The following LUZP1 variants were observed in gnomAD, a reference collection of about 807,000 sequenced individuals.
LUZP1 encodes the protein filamin mechanobinding actin cross-linking protein.
In LUZP1, 25 loss-of-function variants were observed where a neutral mutation model predicts 71.3. The ratio of observed to expected loss-of-function variants is 0.35; its 90% CI spans 0.26 to 0.49. The LOEUF (loss-of-function observed/expected upper bound fraction) is 0.49. LUZP1 is among the 20% of genes least tolerant of loss of function. The pLI is 0.99. For missense variants in LUZP1, 1,142 were observed against 1,300.8 expected (o/e 0.88, Z 1.88); for synonymous variants, 481 against 506.4 (o/e 0.95, Z 0.67).
At chr1:23,115,572 G>A (rs1039247094) in intron 2 of LUZP1, among the ~76,000 whole-genome samples, 8 of 151,954 alleles carry the variant, frequency 5.3e-5, no homozygotes, top group East Asian at 1.9e-4. Flanking sequence ...ACAAAGTCTC[G>A]CTCTGTTGCC....
intron 3 of LUZP1, among the ~76,000 whole-genome samples, chr1:23,104,919 G>A (rs1463257650): frequency 6.6e-6 from 1 of 152,140 alleles, no homozygotes; most frequent in Non-Finnish European, 1.5e-5. Context: ...GCTAAGAGGG[G>A]CTATGCCCTA....
At chr1:23,133,810 G>A (rs1644233224) in intron 2 of LUZP1, 1 of 151,088 alleles carries the variant, frequency 6.6e-6, no homozygotes, top group Non-Finnish European at 1.5e-5. Flanking sequence ...TAAAGAGATA[G>A]ACTGACATTA....
intron 2 of LUZP1, among the ~76,000 whole-genome samples, chr1:23,117,529 G>GGGGA (rs371517574): frequency 1.8e-4 from 15 of 85,602 alleles, no homozygotes; most frequent in African/African-American, 3.5e-4. Context: ...CGGGGGGGGG[G>GGGGA]AACACCTTGA....
intron 2 of LUZP1, among the ~76,000 whole-genome samples, chr1:23,115,634 G>A (rs1415052305): frequency 2.0e-5 from 3 of 152,056 alleles, no homozygotes; most frequent in Non-Finnish European, 4.4e-5. Flanking sequence ...TCCGCCTCCC[G>A]GGTTCAAGCG....
At chr1:23,135,750 T>A (rs959012956) in intron 2 of LUZP1, among the ~76,000 whole-genome samples, 6 of 152,212 alleles carry the variant, frequency 3.9e-5, no homozygotes, top group African/African-American at 1.4e-4. Context: ...ATTATTAAAA[T>A]TTTAAATTAT....
chr1:23,104,290 G>C lies in LUZP1; in HGVS notation c.-120+4732C>G, dbSNP rs545484965. Among the ~76,000 whole-genome samples, 4 of 151,242 alleles carry C rather than the reference G, an allele frequency of 2.6e-5. No homozygotes were observed. In the South Asian group the frequency reaches 8.4e-4, roughly 32 times the overall value. On this transcript the variant is annotated intron_variant, in intron 3 of 4. Coordinates refer to ENST00000302291, the Ensembl canonical transcript of LUZP1. ...CGTTTGCTGGGTTCAAGGGATTCTC[G>C]AGAACTGCCTCAGCCTCCCGAGTAG...
intron 2 of LUZP1, among the ~76,000 whole-genome samples, chr1:23,156,699 G>A (rs1047040689): frequency 3.9e-5 from 6 of 152,102 alleles, no homozygotes; most frequent in Admixed American, 2.6e-4. Flanking sequence ...CATCTTGGGA[G>A]GTAAGACCTT....
chr1:23,169,824 A>G (rs1226530496), intron 1 of LUZP1, among the ~76,000 whole-genome samples: 1 of 152,158 alleles, frequency 6.6e-6, no homozygotes, highest in Non-Finnish European at 1.5e-5. Flanking sequence ...AGCAGCATTC[A>G]CAAGCCAGGA....
Position 23,093,881 on chromosome 1 carries a change from G to T in LUZP1, c.381C>A (p.Phe127Leu), listed in dbSNP as rs1412652796. 6.2e-7 allele frequency: 1 copy of T among 1,613,962 alleles called. No homozygotes were observed. ...GGGTACAGTCATTCTTACTCCTGCT[G>T]AAGGCCTCTTCTAGCTTCTCTAATT... Residue 127 changes from phenylalanine (F) to leucine (L), a missense_variant, in exon 4 of 5, where the codon TTC becomes TTA. Phe to Leu is a conservative substitution (Grantham distance 22, BLOSUM62 0). Transcript: ENST00000302291. This position sits in a 1 kb window ranked among gnomAD's most constrained non-coding sequence, Gnocchi z 4.2.
chr1:23,166,286 C>T lies in LUZP1; in HGVS notation c.-226+2480G>A, dbSNP rs529088982. ...ACAGACCTGGGTATGAATTCCAGTG[C>T]CACTTCTTACTAGTTGTGTGTGTGA... On this transcript the variant is annotated intron_variant, in intron 2 of 4. Transcript: ENST00000302291. 2.0e-4 allele frequency among the ~76,000 whole-genome samples: 30 copies of T among 152,182 alleles called. 1 individual carries two copies. Among genetic ancestry groups the T allele is most frequent in the Admixed American group, 5.2e-4 (8 of 15,286 alleles).
Position 23,127,948 on chromosome 1 carries a change from T to C in LUZP1, c.-225-18821A>G, listed in dbSNP as rs541786661. Among the ~76,000 whole-genome samples the C allele has an allele frequency of 7.2e-5, 11 of 152,178 alleles. No individual in the cohort carries two copies. In the South Asian group the frequency reaches 2.1e-3, roughly 29 times the overall value. ...GAGTTCGAGACCAGCCTGACCAACA[T>C]GGTGAAACCCTGTCTCAACTAAAAA... On this transcript the variant is annotated intron_variant, in intron 2 of 4. Transcript: ENST00000302291.
chr1:23,096,904 C>T (rs1211833067), intron 3 of LUZP1, among the ~76,000 whole-genome samples: 1 of 152,154 alleles, frequency 6.6e-6, no homozygotes, highest in Non-Finnish European at 1.5e-5. Flanking sequence ...ACCCACGGGA[C>T]GGAGGCTGCA....
chr1:23,169,778 C>T (rs1189725671), intron 1 of LUZP1, among the ~76,000 whole-genome samples: 1 of 152,214 alleles, frequency 6.6e-6, no homozygotes. Context: ...CCAGAGACTG[C>T]TCTCGCTGCG....
At chr1:23,087,724 C>T (rs550194244) in exon 5 of LUZP1, 2 of 152,636 alleles carry the variant, frequency 1.3e-5, no homozygotes, top group African/African-American at 4.8e-5. Flanking sequence ...AATTTATTTA[C>T]GTGGCTTTCT....
chr1:23,098,460 G>A (rs1474173932), intron 3 of LUZP1, among the ~76,000 whole-genome samples: 1 of 152,170 alleles, frequency 6.6e-6, no homozygotes, highest in African/African-American at 2.4e-5. Flanking sequence ...AATCCTGTGG[G>A]GGAGTAGGGA....
intron 1 of LUZP1, among the ~76,000 whole-genome samples, chr1:23,173,438 C>T (rs1283336803): frequency 7.0e-6 from 1 of 143,446 alleles, no homozygotes; most frequent in Non-Finnish European, 1.5e-5. Context: ...CACTACAACT[C>T]CTCTTCCCAG....
exon 3 of LUZP1, chr1:23,109,071 T>C (rs1207805139): frequency 6.6e-6 from 1 of 152,262 alleles, no homozygotes; most frequent in Non-Finnish European, 1.5e-5. Context: ...GCTCTCCCTA[T>C]GCTTGCTGTT....
At chr1:23,152,002 C>CAA (rs577798980) in intron 2 of LUZP1, among the ~76,000 whole-genome samples, 6 of 63,644 alleles carry the variant, frequency 9.4e-5, no homozygotes, top group Admixed American at 1.8e-4. Context: ...ACTCAGTCTC[C>CAA]AAAAAAAAAA....
chr1:23,123,714 C>A (rs1256180751), intron 2 of LUZP1, among the ~76,000 whole-genome samples: 1 of 152,048 alleles, frequency 6.6e-6, no homozygotes, highest in Non-Finnish European at 1.5e-5. Context: ...TGCTCTCAGG[C>A]CCTGAGGTAA....
Sources: gnomAD v4.1 joint callset for allele counts (sites outside exome capture counted in the v4.1 genomes callset) on GRCh38, gnomAD v4.1.1 for gene constraint, Gnocchi (gnomAD v3.1) non-coding constraint, MANE v1.5 for transcripts, NCBI Gene and HGNC (gene_info 2026-07-23, HGNC 2026-07-21) for gene names.